The following GNG7 variants were observed in gnomAD, a reference collection of about 807,000 sequenced individuals.
The protein encoded by GNG7 is G protein subunit gamma 7, also known as guanine nucleotide-binding protein G(I)/G(S)/G(O) subunit gamma-7.
A neutral mutation model predicts 4.0 loss-of-function variants in GNG7; 1 was observed. The ratio of observed to expected loss-of-function variants is 0.25; its 90% CI spans 0.09 to 1.18. The LOEUF is 1.18. Ranked by LOEUF, GNG7 falls within the 50% of genes most tolerant of loss-of-function variation. The probability of loss-of-function intolerance (pLI) is 0.50; values close to 1 mark genes in which losing one functional copy is unlikely to be tolerated. For synonymous variants in GNG7, 34 were observed against 36.9 expected (o/e 0.92, Z 0.29); for missense variants, 86 against 91.9 (o/e 0.94, Z 0.26).
At chr19:2,555,046 C>T (rs1979502835) in intron 3 of GNG7, 103 bp downstream of exon 3, 1 of 152,128 alleles carries the variant, frequency 6.6e-6, no homozygotes, top group South Asian at 2.1e-4. Context: ...ATGACTCAAC[C>T]TCCCAAAGTG....
chr19:2,560,193 C>T (rs1979698578), intron 2 of GNG7, among the ~76,000 whole-genome samples: 1 of 152,060 alleles, frequency 6.6e-6, no homozygotes, highest in Admixed American at 6.5e-5. Context: ...AAATACACAC[C>T]AAGCCGGCGA....
chr19:2,674,324 T>A (rs1414344940), intron 1 of GNG7, among the ~76,000 whole-genome samples: 1 of 152,196 alleles, frequency 6.6e-6, no homozygotes, highest in Non-Finnish European at 1.5e-5. Context: ...CACAATTGTA[T>A]GTTTGAAATA....
rs1044908386 is a variant in GNG7 at position 2,626,212 on chromosome 19, C to G, written c.-78+20012G>C. Among the ~76,000 whole-genome samples the G allele has an allele frequency of 1.6e-4, 24 of 152,192 alleles. No individual in the cohort carries two copies. Among genetic ancestry groups the G allele is most frequent in the Non-Finnish European group, 1.5e-5 (1 of 68,030 alleles). On this transcript the variant is annotated intron_variant, in intron 2 of 4. Coordinates refer to ENST00000382159, the MANE Select transcript of GNG7 (RefSeq NM_052847.3). This position sits in a 1 kb window ranked among gnomAD's most constrained non-coding sequence, Gnocchi z 5.0. Reference sequence around the variant, plus strand: ...CCTGACCCCGTGTCTCCAGCGGGAACGTGAAGCTGATGCTGCTCCCGCCCC... The same window carrying G: ...CCTGACCCCGTGTCTCCAGCGGGAAGGTGAAGCTGATGCTGCTCCCGCCCC...
intron 2 of GNG7, among the ~76,000 whole-genome samples, chr19:2,577,034 G>A (rs559707729): frequency 2.6e-5 from 4 of 152,336 alleles, no homozygotes; most frequent in East Asian, 3.9e-4. Flanking sequence ...GGGCTGTCCC[G>A]TGTGCAAAGT....
intron 2 of GNG7, among the ~76,000 whole-genome samples, chr19:2,562,969 G>C (rs1427986378): frequency 6.6e-6 from 1 of 151,986 alleles, no homozygotes; most frequent in African/African-American, 2.4e-5. Context: ...TTTTGAGACA[G>C]AGTCTCGCTC....
At chr19:2,528,794 T>C (rs1005834038) in intron 3 of GNG7, among the ~76,000 whole-genome samples, 6 of 152,192 alleles carry the variant, frequency 3.9e-5, no homozygotes, top group African/African-American at 1.4e-4. Flanking sequence ...AGGGACACTC[T>C]CATCTCTGCA....
At chr19:2,528,606 G>T (rs1978489468) in intron 3 of GNG7, among the ~76,000 whole-genome samples, 2 of 152,186 alleles carry the variant, frequency 1.3e-5, no homozygotes, top group South Asian at 4.1e-4. Flanking sequence ...CAGGGCGGGA[G>T]TCTTCCCCCA....
intron 2 of GNG7, among the ~76,000 whole-genome samples, chr19:2,590,010 C>A (rs1980792227): frequency 6.6e-6 from 1 of 152,192 alleles, no homozygotes; most frequent in Non-Finnish European, 1.5e-5. Flanking sequence ...CAGGGTTTCA[C>A]CCTGTTGGCC....
At chr19:2,568,495 T>C (rs965967766) in intron 2 of GNG7, among the ~76,000 whole-genome samples, 1 of 150,208 alleles carries the variant, frequency 6.7e-6, no homozygotes, top group Admixed American at 6.6e-5. Context: ...CTTACGCACA[T>C]ACACAGGGTC....
In GNG7 at chr19:2,633,321, C is replaced by T. The variant is rs979550609; in HGVS notation, c.-78+12903G>A. On this transcript the variant is annotated intron_variant, in intron 2 of 4. Coordinates refer to ENST00000382159, the MANE Select transcript of GNG7 (RefSeq NM_052847.3). This position sits in a 1 kb window ranked among gnomAD's most constrained non-coding sequence, Gnocchi z 5.9. Reference sequence around the variant, plus strand: ...CCACTCGGCTCCCCCATGTCCCCTGCCCCCAGCATCTCATCATATGCGACT... The same window carrying T: ...CCACTCGGCTCCCCCATGTCCCCTGTCCCCAGCATCTCATCATATGCGACT... 3.3e-5 allele frequency among the ~76,000 whole-genome samples: 5 copies of T among 152,146 alleles called. No individual in the cohort carries two copies. The highest frequency in any genetic ancestry group is 7.4e-5 in the Non-Finnish European group (5 of 68,016).
At chr19:2,584,638 AGGAG>A (rs1368443054) in intron 2 of GNG7, among the ~76,000 whole-genome samples, 83 of 85,364 alleles carry the variant, frequency 9.7e-4, no homozygotes, top group African/African-American at 2.7e-3. Flanking sequence ...GAAGGAAGGA[AGGAG>A]GGAGGGAGGG....
intron 3 of GNG7, among the ~76,000 whole-genome samples, chr19:2,553,438 TTA>T (rs1043238412): frequency 5.4e-5 from 8 of 147,650 alleles, no homozygotes; most frequent in Non-Finnish European, 1.0e-4. Flanking sequence ...AATATATATG[TTA>T]TATATTATAT....
Position 2,557,079 on chromosome 19 carries a change from AC to A in GNG7, c.-77-1892del, listed in dbSNP as rs1368067111. 1.3e-5 allele frequency among the ~76,000 whole-genome samples: 2 copies of A among 151,590 alleles called. No individual in the cohort carries two copies. The highest frequency in any genetic ancestry group is 2.9e-5 in the Non-Finnish European group (2 of 67,866). The stretch of plus-strand genomic sequence containing the variant: ...CATATGCACGCACACAGACACACGC[AC>A]ACACGTGCACACAGGAATACTCAGA... On this transcript the variant is annotated intron_variant, in intron 2 of 4. Transcript: ENST00000382159. This position sits in a 1 kb window ranked among gnomAD's most constrained non-coding sequence, Gnocchi z 5.1.
chr19:2,575,550 C>G (rs563665619), intron 2 of GNG7, among the ~76,000 whole-genome samples: 21 of 96,616 alleles, frequency 2.2e-4, no homozygotes, highest in Admixed American at 1.4e-3. Flanking sequence ...GGCAGGCACA[C>G]GCAGACACAC....
At chr19:2,649,274 G>A (rs1485043476) in intron 1 of GNG7, among the ~76,000 whole-genome samples, 1 of 151,756 alleles carries the variant, frequency 6.6e-6, no homozygotes, top group Non-Finnish European at 1.5e-5. Context: ...AAGTGGTCTG[G>A]TGCGCCCTTC....
Position 2,520,635 on chromosome 19 carries a change from G to A in GNG7, c.54C>T (p.Arg18=). ...AQARKLVEQL[R]IEAGIERIKV... ...TGATGCGCTCAATCCCGGCTTCTAT[G>A]CGTAGCTGTTCCACCAGCTTCCGGG... Residue 18 remains arginine (R), a synonymous_variant, in exon 4 of 5, where the codon CGC becomes CGT. Coordinates refer to ENST00000382159, the MANE Select transcript of GNG7 (RefSeq NM_052847.3). 6.4e-7 allele frequency: 1 copy of A among 1,551,316 alleles called. No homozygotes were observed. The highest frequency in any genetic ancestry group is 8.7e-7 in the Non-Finnish European group (1 of 1,144,230).
At chr19:2,575,680 C>CGCAGGCACACGCAGACACACGCAGACAG (rs1980297251) in intron 2 of GNG7, among the ~76,000 whole-genome samples, 1 of 139,954 alleles carries the variant, frequency 7.1e-6, no homozygotes, top group Non-Finnish European at 1.5e-5. Flanking sequence ...CATGCAGACA[C>CGCAGGCACACGCAGACACACGCAGACAG]GCAGGCACAC....
chr19:2,584,620 G>A (rs893960941), intron 2 of GNG7, among the ~76,000 whole-genome samples: 2 of 119,872 alleles, frequency 1.7e-5, no homozygotes, highest in African/African-American at 6.5e-5. Context: ...AGGGAAGGAA[G>A]GAGGAAGGAA....
chr19:2,665,348 G>A (rs12461188), intron 1 of GNG7, among the ~76,000 whole-genome samples: 39,008 of 143,670 alleles, frequency 0.27, 6,217 homozygotes, highest in East Asian at 0.6. Context: ...CCCAGACATG[G>A]CCCAGTGTCC....
Sources: gnomAD v4.1 joint callset for allele counts (sites outside exome capture counted in the v4.1 genomes callset) on GRCh38, gnomAD v4.1.1 for gene constraint, Gnocchi (gnomAD v3.1) non-coding constraint, MANE v1.5 for transcripts, NCBI Gene and HGNC (gene_info 2026-07-23, HGNC 2026-07-21) for gene names.